The following SAMMSON variants were observed in gnomAD, a reference collection of about 807,000 sequenced individuals.
SAMMSON encodes the protein survival associated mitochondrial melanoma specific oncogenic non-coding RNA.
chr3:70,358,084 C>T (rs1702843148), intron 8 of SAMMSON, among the ~76,000 whole-genome samples: 1 of 151,968 alleles, frequency 6.6e-6, no homozygotes, highest in African/African-American at 2.4e-5. Context: ...GTTTTGTGAG[C>T]CAATTGTTAA....
intron 6 of SAMMSON, chr3:70,272,380 T>C (rs1464514): frequency 0.61 from 92,826 of 152,084 alleles, 30,442 homozygotes; most frequent in Non-Finnish European, 0.73. Flanking sequence ...TACTCTTTTG[T>C]GTCTGGCTTC....
chr3:70,392,254 G>T (rs1214100415), downstream of SAMMSON, among the ~76,000 whole-genome samples: 1 of 152,042 alleles, frequency 6.6e-6, no homozygotes, highest in Non-Finnish European at 1.5e-5. Flanking sequence ...GTTTTTACAT[G>T]ATTTATTTCA....
At chr3:70,102,986 T>G (rs538112195) in intron 4 of SAMMSON, among the ~76,000 whole-genome samples, 1 of 152,192 alleles carries the variant, frequency 6.6e-6, no homozygotes, top group Non-Finnish European at 1.5e-5. Context: ...TAAAAACCAT[T>G]TTTCTACTTC....
intron 4 of SAMMSON, among the ~76,000 whole-genome samples, chr3:70,116,471 C>T (rs1013808139): frequency 2.0e-5 from 3 of 151,694 alleles, no homozygotes; most frequent in Non-Finnish European, 2.9e-5. Context: ...AAAGGCAACA[C>T]GAGAGACTTT....
intron 7 of SAMMSON, among the ~76,000 whole-genome samples, chr3:70,309,794 T>A (rs180701848): frequency 1.3e-5 from 2 of 152,202 alleles, no homozygotes; most frequent in African/African-American, 4.8e-5. Context: ...TAAACATAAT[T>A]CGAGTGTAGC....
intron 2 of SAMMSON, among the ~76,000 whole-genome samples, chr3:70,418,796 C>A (rs1191849937): frequency 2.0e-5 from 3 of 152,100 alleles, no homozygotes; most frequent in African/African-American, 7.2e-5. Flanking sequence ...TCCAGACAAG[C>A]CTTATCTGGG....
At position 70,164,224 on chromosome 3, in the gene SAMMSON, A is replaced by C. The variant is rs1338061437; in HGVS notation, n.508-84883A>C. On this transcript the variant is annotated intron_variant and non_coding_transcript_variant, in intron 4 of 9. Coordinates refer to ENST00000642114, the Ensembl canonical transcript of SAMMSON. ...AGCTCATATTTTAGTTCTGCCTCTA[A>C]CTAGCTGTGTCATTTGGAGACACTT... 2.0e-5 allele frequency among the ~76,000 whole-genome samples: 3 copies of C among 152,028 alleles called. No individual in the cohort carries two copies. The East Asian group carries it at 5.8e-4, about 29-fold the overall frequency.
At chr3:70,376,419 AT>A (rs541658932) in intron 9 of SAMMSON, among the ~76,000 whole-genome samples, 2 of 152,200 alleles carry the variant, frequency 1.3e-5, no homozygotes, top group Non-Finnish European at 2.9e-5. Context: ...CATAATGCTT[AT>A]GTTGTAAGGC....
At chr3:70,272,949 A>T (rs1436226799) in intron 6 of SAMMSON, among the ~76,000 whole-genome samples, 1 of 152,214 alleles carries the variant, frequency 6.6e-6, no homozygotes, top group African/African-American at 2.4e-5. Flanking sequence ...AGTCATTTAC[A>T]GCCCTGTGCA....
At chr3:70,201,024 CT>C (rs369942493) in intron 4 of SAMMSON, among the ~76,000 whole-genome samples, 60 of 147,432 alleles carry the variant, frequency 4.1e-4, no homozygotes, top group Middle Eastern at 3.6e-3. Context: ...TGTTTTGTAA[CT>C]TTTTTTTTTT....
At chr3:70,169,925 A>T (rs1386211116) in intron 4 of SAMMSON, among the ~76,000 whole-genome samples, 1 of 151,950 alleles carries the variant, frequency 6.6e-6, no homozygotes, top group East Asian at 1.9e-4. Context: ...TGAATAAAAT[A>T]GAAGCAAACG....
At chr3:70,143,257 CT>C (rs1454386667) in intron 4 of SAMMSON, among the ~76,000 whole-genome samples, 1 of 151,018 alleles carries the variant, frequency 6.6e-6, no homozygotes, top group Non-Finnish European at 1.5e-5. Context: ...CAACATCAGT[CT>C]TTCAACTGGC....
intron 9 of SAMMSON, among the ~76,000 whole-genome samples, chr3:70,376,612 A>T (rs904700365): frequency 2.0e-5 from 3 of 152,030 alleles, no homozygotes; most frequent in Non-Finnish European, 4.4e-5. Flanking sequence ...ATTTTTCACT[A>T]TTGATTCTAG....
intron 4 of SAMMSON, among the ~76,000 whole-genome samples, chr3:70,160,156 A>G (rs1014310733): frequency 2.0e-5 from 3 of 151,778 alleles, no homozygotes; most frequent in Non-Finnish European, 4.4e-5. Context: ...GATGTGATCC[A>G]ATTTATTAAT....
At chr3:70,284,011 C>G (rs1014661735) in intron 6 of SAMMSON, among the ~76,000 whole-genome samples, 3 of 152,010 alleles carry the variant, frequency 2.0e-5, no homozygotes, top group African/African-American at 7.2e-5. Context: ...GGTTTCCATG[C>G]CTTTGGGTGG....
chr3:70,205,088 G>A (rs939116205), intron 4 of SAMMSON: 2 of 152,158 alleles, frequency 1.3e-5, no homozygotes, highest in South Asian at 2.1e-4. Context: ...TTGGCCCAAC[G>A]ATGTGTTGTT....
At chr3:70,286,378 G>T (rs1702162920) in intron 6 of SAMMSON, among the ~76,000 whole-genome samples, 1 of 151,904 alleles carries the variant, frequency 6.6e-6, no homozygotes, top group Non-Finnish European at 1.5e-5. Context: ...TAGATATGTG[G>T]CATTATTTCT....
intron 4 of SAMMSON, among the ~76,000 whole-genome samples, chr3:70,102,305 T>A (rs1299990466): frequency 6.6e-6 from 1 of 152,174 alleles, no homozygotes; most frequent in Non-Finnish European, 1.5e-5. Context: ...AACAAAGCCA[T>A]CATGAAACTG....
intron 4 of SAMMSON, among the ~76,000 whole-genome samples, chr3:70,179,106 T>A (rs1576145358): frequency 6.6e-6 from 1 of 152,178 alleles, no homozygotes; most frequent in East Asian, 1.9e-4. Flanking sequence ...AGAGGCAAGA[T>A]AATTAGTCCC....
Sources: gnomAD v4.1 joint callset for allele counts (sites outside exome capture counted in the v4.1 genomes callset) on GRCh38, gnomAD v4.1.1 for gene constraint, MANE v1.5 for transcripts, NCBI Gene and HGNC (gene_info 2026-07-23, HGNC 2026-07-21) for gene names.